The following TENT4B variants were observed in gnomAD, a reference collection of about 807,000 sequenced individuals.
The protein encoded by TENT4B is terminal nucleotidyltransferase 4B.
A neutral mutation model predicts 75.0 loss-of-function variants in TENT4B; 10 were observed. The ratio of observed to expected loss-of-function variants is 0.13; its 90% CI spans 0.08 to 0.23. The LOEUF (loss-of-function observed/expected upper bound fraction) is 0.23, where lower values mean the gene tolerates loss of function less well. TENT4B is among the 10% of genes least tolerant of loss of function. TENT4B has a pLI of 1.00. For missense variants in TENT4B, 579 were observed against 893.8 expected (o/e 0.65, Z 4.49); for synonymous variants, 350 against 357.7 (o/e 0.98, Z 0.24).
chr16:50,205,386 A>G (rs773598156), intron 1 of TENT4B, among the ~76,000 whole-genome samples: 1 of 152,122 alleles, frequency 6.6e-6, no homozygotes, highest in Non-Finnish European at 1.5e-5. Flanking sequence ...ATAATAGTAC[A>G]GAAAGATACA....
At chr16:50,228,541 A>G (rs1014456432) in intron 11 of TENT4B, among the ~76,000 whole-genome samples, 1 of 152,176 alleles carries the variant, frequency 6.6e-6, no homozygotes, top group African/African-American at 2.4e-5. Flanking sequence ...GGAGGAAGCC[A>G]TTGATATGGG....
chr16:50,216,333 TAAA>T, intron 4 of TENT4B, 138 bp downstream of exon 4: 1 of 1,154,918 alleles, frequency 8.7e-7, no homozygotes, highest in Non-Finnish European at 1.2e-6. Context: ...TGCTTGCACA[TAAA>T]AAGTTTTCTG....
intron 11 of TENT4B, 115 bp downstream of exon 11, chr16:50,228,118 C>A: frequency 1.5e-6 from 2 of 1,297,970 alleles, no homozygotes; most frequent in Non-Finnish European, 2.1e-6. Context: ...GAAGAACAAA[C>A]TTATTTTATT....
chr16:50,154,313 G>C (rs1471086508), intron 1 of TENT4B, 54 bp downstream of exon 1: 5 of 1,382,710 alleles, frequency 3.6e-6, no homozygotes, highest in Non-Finnish European at 4.7e-6. Context: ...GCGCAGCCGG[G>C]CACACGCCCA....
rs946995620 is a variant in TENT4B at position 50,154,039 on chromosome 16, C to T, written c.418C>T (p.His140Tyr). The T allele has an allele frequency of 3.3e-6, 5 of 1,531,966 alleles. No homozygotes were observed. In the African/African-American group the frequency reaches 4.1e-5, roughly 13 times the overall value. The allele number at this position is 1,531,966 out of a possible 1,614,324, so 94.9% of individuals were successfully genotyped here. A position where few individuals can be genotyped will look rare whatever the true frequency, so the allele number is the denominator to read the frequency against. ...SSPPSASSSP[H>Y]PSAAVPAADP... ...GCCTCCCTCGGCGTCCTCGTCCCCGCACCCTTCGGCCGCCGTCCCCGCCGC... is the reference window on the plus strand; with the variant it reads ...GCCTCCCTCGGCGTCCTCGTCCCCGTACCCTTCGGCCGCCGTCCCCGCCGC... Residue 140 changes from histidine (H) to tyrosine (Y), a missense_variant, in exon 1 of 12, where the codon CAC becomes TAC. Coordinates refer to ENST00000561678, the MANE Select transcript of TENT4B (RefSeq NM_001365324.3).
intron 4 of TENT4B, among the ~76,000 whole-genome samples, chr16:50,216,991 G>C (rs937958932): frequency 1.3e-5 from 2 of 152,116 alleles, no homozygotes; most frequent in African/African-American, 4.8e-5. Flanking sequence ...AAACTGACCA[G>C]TAATGCAAGT....
chr16:50,175,553 C>T (rs981145891), intron 1 of TENT4B, among the ~76,000 whole-genome samples: 21 of 152,052 alleles, frequency 1.4e-4, no homozygotes, highest in African/African-American at 4.8e-4. Context: ...GGCGCGATCT[C>T]GGCTCACTGC....
intron 1 of TENT4B, among the ~76,000 whole-genome samples, chr16:50,157,702 A>G (rs1414716534): frequency 1.3e-5 from 2 of 151,956 alleles, no homozygotes; most frequent in Non-Finnish European, 2.9e-5. Context: ...CAAGCCATCC[A>G]CATGCCTTGG....
At chr16:50,214,964 C>T (rs904611576) in intron 3 of TENT4B, among the ~76,000 whole-genome samples, 7 of 152,292 alleles carry the variant, frequency 4.6e-5, no homozygotes, top group Admixed American at 2.6e-4. Flanking sequence ...CACTCACCCT[C>T]GCTTTCAAAT....
chr16:50,196,664 A>G (rs2030275382), intron 1 of TENT4B, among the ~76,000 whole-genome samples: 1 of 152,096 alleles, frequency 6.6e-6, no homozygotes, highest in Non-Finnish European at 1.5e-5. Flanking sequence ...GTAGTGCCTC[A>G]TGCCTGTAAT....
intron 1 of TENT4B, among the ~76,000 whole-genome samples, chr16:50,183,189 A>G (rs930595391): frequency 6.6e-6 from 1 of 151,514 alleles, no homozygotes. Flanking sequence ...GATTACAGGC[A>G]TGTGCCACCA....
chr16:50,172,331 C>T (rs182033092), intron 1 of TENT4B, among the ~76,000 whole-genome samples: 60 of 151,648 alleles, frequency 4.0e-4, no homozygotes, highest in African/African-American at 1.3e-3. Context: ...GGTGACAGAG[C>T]GAGACTCTGT....
chr16:50,193,837 G>A (rs558104766), intron 1 of TENT4B, among the ~76,000 whole-genome samples: 5 of 152,282 alleles, frequency 3.3e-5, no homozygotes, highest in African/African-American at 9.6e-5. Flanking sequence ...AGTAATGACC[G>A]TCATACTCTC....
chr16:50,233,281 C>CCA lies in TENT4B; in HGVS notation c.*3954_*3955insAC. On this transcript the variant is annotated 3_prime_UTR_variant, in exon 12 of 12. Coordinates refer to ENST00000561678, the MANE Select transcript of TENT4B (RefSeq NM_001365324.3). ...GAGTTCATCTTGCCTTGGTTTCTGACCCTCAAGACTCTAGCTACCTGCCAT... is the reference window on the plus strand; with the variant it reads ...GAGTTCATCTTGCCTTGGTTTCTGACCACCTCAAGACTCTAGCTACCTGCCAT... 6.1e-6 allele frequency: 6 copies of CCA among 985,330 alleles called. No homozygotes were observed. The highest frequency in any genetic ancestry group is 7.2e-6 in the Non-Finnish European group (6 of 829,902). The allele number at this position is 985,330 out of a possible 1,614,324, so 61.0% of individuals were successfully genotyped here.
chr16:50,196,399 A>G (rs976409568), intron 1 of TENT4B, among the ~76,000 whole-genome samples: 1 of 152,118 alleles, frequency 6.6e-6, no homozygotes, highest in African/African-American at 2.4e-5. Flanking sequence ...GACTTAAAAC[A>G]TTTTTGTTGT....
chr16:50,177,312 A>G (rs1228314843), intron 1 of TENT4B, among the ~76,000 whole-genome samples: 1 of 152,036 alleles, frequency 6.6e-6, no homozygotes, highest in Admixed American at 6.6e-5. Context: ...CCGAGATAAT[A>G]TCTAATTTAA....
intron 1 of TENT4B, among the ~76,000 whole-genome samples, chr16:50,159,662 T>C (rs2037967175): frequency 6.6e-6 from 1 of 152,198 alleles, no homozygotes; most frequent in Non-Finnish European, 1.5e-5. Context: ...TTCCAAGTGA[T>C]TTGTGCTCTA....
intron 1 of TENT4B, among the ~76,000 whole-genome samples, chr16:50,185,927 A>T (rs950262253): frequency 2.0e-5 from 3 of 152,174 alleles, no homozygotes; most frequent in Non-Finnish European, 4.4e-5. Flanking sequence ...ATTTTTAAAC[A>T]TTACATAAAT....
intron 2 of TENT4B, among the ~76,000 whole-genome samples, chr16:50,213,845 AGAT>A (rs1385173678): frequency 6.6e-6 from 1 of 152,216 alleles, no homozygotes; most frequent in African/African-American, 2.4e-5. Context: ...AGTAATCTAA[AGAT>A]GATGTAAAGT....
Sources: allele counts gnomAD v4.1 joint callset (sites outside exome capture counted in the v4.1 genomes callset), GRCh38; gene constraint gnomAD v4.1.1; transcripts MANE v1.5; gene names NCBI Gene and HGNC (gene_info 2026-07-23, HGNC 2026-07-21).